Variants in MDN1 observed in about 807,000 individuals in gnomAD.
MDN1 encodes midasin.
In MDN1, 266 loss-of-function variants were observed where a neutral mutation model predicts 669.2. The observed-to-expected ratio is 0.40, with a 90% confidence interval of 0.36 to 0.44. MDN1 has a LOEUF of 0.44. Among genes scored for constraint, MDN1 ranks in the 20% least tolerant of loss-of-function variants. The pLI, the probability that MDN1 is intolerant of heterozygous loss-of-function variation, is 1.00. For missense variants in MDN1, 5,940 were observed against 6,754.0 expected (o/e 0.88, Z 4.22); for synonymous variants, 2,385 against 2,457.1 (o/e 0.97, Z 0.87).
intron 33 of MDN1, among the ~76,000 whole-genome samples, chr6:89,736,574 C>G (rs544817180): frequency 2.6e-4 from 40 of 152,070 alleles, no homozygotes; most frequent in Non-Finnish European, 7.4e-5. Flanking sequence ...GCGGGTCACT[C>G]GAGCCCAGGA....
chr6:89,718,996 A>T lies in MDN1; in HGVS notation c.6092T>A (p.Val2031Asp). 1 of 1,614,186 alleles carries T rather than the reference A, an allele frequency of 6.2e-7. No individual in the cohort carries two copies. The highest frequency in any genetic ancestry group is 8.5e-7 in the Non-Finnish European group (1 of 1,180,022). Residue 2031 changes from valine (V) to aspartate (D), a missense_variant, in exon 42 of 102, where the codon GTT becomes GAT. By Grantham distance (152) the Val-to-Asp change is radical. Transcript: ENST00000369393. ...GYSVLSRGSC[V>D]PHPSRHPLLL... ...CAGGGGATGGCGGGACGGGTGAGGA[A>T]CACAGCTCCCACGGGAAAGGACTGA...
chr6:89,743,190 T>A lies in MDN1; in HGVS notation c.4408A>T (p.Ile1470Phe), dbSNP rs374832273. 5.6e-6 allele frequency: 9 copies of A among 1,613,844 alleles called. No homozygotes were observed. The African/African-American group carries it at 1.2e-4, about 22-fold the overall frequency. The change falls in exon 31 of 102, where the codon ATC (isoleucine) becomes TTC (phenylalanine). Residue 1470 changes from isoleucine to phenylalanine, a missense_variant. Coordinates refer to ENST00000369393, the MANE Select transcript of MDN1 (RefSeq NM_014611.3). Reference protein sequence around the residue: ...KEDGFFLLDEISLADDSVLER... With the variant: ...KEDGFFLLDEFSLADDSVLER... ...AAGACAGAGTCATCGGCCAATGAGA[T>A]CTCATCCAAGAGGAAAAAGCCGTCC...
Position 89,743,560 on chromosome 6 carries a change from T to C in MDN1, c.4317+16A>G. ...CAGTTTTTTAAAATAACAGGAACAC[T>C]TGCTGCTGGACAAACCTTGTCGTTT... is the stretch of plus-strand genomic sequence containing the variant. On this transcript the variant is annotated intron_variant, in intron 30 of 101. Transcript: ENST00000369393. The C allele has an allele frequency of 1.2e-6, 2 of 1,608,732 alleles. No homozygotes were observed. Among genetic ancestry groups the C allele is most frequent in the Non-Finnish European group, 1.7e-6 (2 of 1,178,072 alleles).
In MDN1 at chr6:89,659,841, C is replaced by G. The variant is rs558196424; in HGVS notation, c.14714-924G>C. On this transcript the variant is annotated intron_variant, in intron 88 of 101. Coordinates refer to ENST00000369393, the MANE Select transcript of MDN1 (RefSeq NM_014611.3). ...AAAGAGATTTTCTATACTTTGGACA[C>G]TTCAAAAATCAGTTATTAGCAAATT... Among the ~76,000 whole-genome samples, 17 of 152,294 alleles carry G rather than the reference C, an allele frequency of 1.1e-4. No individual in the cohort carries two copies. In the South Asian group the frequency reaches 3.1e-3, roughly 28 times the overall value.
At chr6:89,722,571 G>A (rs1023095614) in intron 40 of MDN1, among the ~76,000 whole-genome samples, 9 of 152,170 alleles carry the variant, frequency 5.9e-5, no homozygotes, top group African/African-American at 1.2e-4. Context: ...CTTGCTAGCC[G>A]GGCGTGGTGG....
In MDN1 at chr6:89,695,837, A is replaced by G; in HGVS notation, c.9539T>C (p.Leu3180Pro). The stretch of plus-strand genomic sequence containing the variant: ...CACCTCCTGACCAGCCATGTCCCCA[A>G]GTGTCTGGCCCACATGCTGGAAGGC... ...SQAFQHVGQTLGDMAGQEVLP... is the reference protein window; with the variant it reads ...SQAFQHVGQTPGDMAGQEVLP... Residue 3180 changes from leucine (L) to proline (P), a missense_variant, in exon 61 of 102, where the codon CTT becomes CCT. Physicochemically the swap from Leu to Pro is moderately conservative, Grantham distance 98. Transcript: ENST00000369393. The surrounding 1 kb of genome is among the most constrained non-coding windows in gnomAD (Gnocchi z 4.1). 6.2e-7 allele frequency: 1 copy of G among 1,613,834 alleles called. No individual in the cohort carries two copies. The highest frequency in any genetic ancestry group is 8.5e-7 in the Non-Finnish European group (1 of 1,180,028).
At chr6:89,659,302 G>A (rs188652948) in intron 88 of MDN1, among the ~76,000 whole-genome samples, 1 of 152,320 alleles carries the variant, frequency 6.6e-6, no homozygotes, top group Non-Finnish European at 1.5e-5. Flanking sequence ...GAGCCCAGGA[G>A]GTCAAGGCTA....
intron 45 of MDN1, among the ~76,000 whole-genome samples, chr6:89,715,184 C>T (rs1814265662): frequency 6.6e-6 from 1 of 152,118 alleles, no homozygotes; most frequent in Non-Finnish European, 1.5e-5. Flanking sequence ...CCCGGTAGAC[C>T]CTCCCCACAT....
At position 89,749,324 on chromosome 6, in the gene MDN1, C is replaced by A; in HGVS notation, c.3661G>T (p.Asp1221Tyr). The change falls in exon 26 of 102, where the codon GAT (aspartate) becomes TAT (tyrosine). Residue 1221 changes from aspartate (D) to tyrosine (Y), a missense_variant. This residue lies in a region of MDN1 where 2,292 missense variants were observed against 2,638.3 expected (regional missense o/e 0.87). Transcript: ENST00000369393. ...TCCAACTCGGAGCTAGGTAACTCAT[C>A]AAAGTGCAATTCCACAAACCGATTC... ...FRNRFVELHF[D>Y]ELPSSELETI... The A allele has an allele frequency of 6.2e-7, 1 of 1,614,136 alleles. No homozygotes were observed. The highest frequency in any genetic ancestry group is 8.5e-7 in the Non-Finnish European group (1 of 1,180,014).
At chr6:89,770,314 G>C (rs1818018084) in intron 15 of MDN1, among the ~76,000 whole-genome samples, 1 of 150,248 alleles carries the variant, frequency 6.7e-6, no homozygotes, top group South Asian at 2.1e-4. Context: ...TGAGGCAGAA[G>C]AATCACCTGA....
intron 52 of MDN1, 101 bp from the exon 53 acceptor site, chr6:89,706,293 C>T: frequency 7.8e-7 from 1 of 1,281,724 alleles, no homozygotes. Flanking sequence ...AATGTTATCC[C>T]CAGTACAAAG....
In MDN1 at chr6:89,661,483, G is replaced by A. The variant is rs9444701; in HGVS notation, c.14661C>T (p.Leu4887=). Residue 4887 remains leucine (L), a synonymous_variant, in exon 88 of 102, where the codon CTC becomes CTT. Coordinates refer to ENST00000369393, the MANE Select transcript of MDN1 (RefSeq NM_014611.3). ...CACCACCATTCTTGTCTTCACTGTC[G>A]AGGTTCAAGTCATCTGGAAGGTCCA... is the stretch of plus-strand genomic sequence containing the variant. ...EALDLPDDLN[L]DSEDKNGGED... is the part of the protein sequence containing the mutation. 1,082,417 of 1,613,638 alleles carry A rather than the reference G, an allele frequency of 0.67. 366,285 individuals carry two copies. Among genetic ancestry groups the A allele is most frequent in the East Asian group, 0.92 (41,402 of 44,874 alleles).
intron 12 of MDN1, 63 bp downstream of exon 12, chr6:89,776,537 A>G: frequency 1.6e-6 from 2 of 1,265,368 alleles, no homozygotes; most frequent in South Asian, 2.7e-5. Context: ...AGAGACCAGC[A>G]AGCAAGCAAG....
In MDN1 at chr6:89,730,890, A is replaced by G; in HGVS notation, c.4976T>C (p.Leu1659Ser). The change falls in exon 35 of 102, where the codon TTG (leucine) becomes TCG (serine). Residue 1659 changes from leucine to serine, a missense_variant. Transcript: ENST00000369393. The stretch of plus-strand genomic sequence containing the variant: ...AAATTTCAGACATTCTTTTCGTGCC[A>G]AAAGGGCTGTACCAAACCCAGAGGA... ...VTSSGFGTAL[L>S]ARKECLKFLI... 6.2e-7 allele frequency: 1 copy of G among 1,614,024 alleles called. No individual in the cohort carries two copies. Among genetic ancestry groups the G allele is most frequent in the Non-Finnish European group, 8.5e-7 (1 of 1,179,940 alleles).
At chr6:89,785,147 C>G in intron 8 of MDN1, 21 bp from the exon 9 acceptor site, 1 of 1,571,084 alleles carries the variant, frequency 6.4e-7, no homozygotes, top group African/African-American at 1.3e-5. Flanking sequence ...AAATAAAAAA[C>G]ACAGTCACAC....
At chr6:89,701,477 C>T (rs1383191638) in intron 55 of MDN1, 81 bp downstream of exon 55, 1 of 1,527,148 alleles carries the variant, frequency 6.5e-7, no homozygotes, top group African/African-American at 1.4e-5. Flanking sequence ...TAATCTTATA[C>T]AATGTCAGTT....
chr6:89,712,641 C>T lies in MDN1; in HGVS notation c.7364G>A (p.Arg2455Gln), dbSNP rs62417304. Residue 2455 changes from arginine to glutamine, a missense_variant, in exon 48 of 102, where the codon CGA becomes CAA. Around this residue, in one of 5 missense-constraint regions of MDN1, gnomAD observed 2,292 missense variants for 2,638.3 expected, o/e 0.87. Transcript: ENST00000369393. ...ATATACTAAGATCTGTCCATCTCTT[C>T]GGACTGTAGACAGGTGTGAATCTTC... ...ATEDSHLSTV[R>Q]RDGQILVYCL... 6,225 of 1,614,134 alleles carry T rather than the reference C, an allele frequency of 3.9e-3. 16 individuals carry two copies. The highest frequency in any genetic ancestry group is 4.9e-3 in the Non-Finnish European group (5,750 of 1,180,012).
At chr6:89,751,694 T>C (rs775509980) in intron 22 of MDN1, 112 bp from the exon 23 acceptor site, 25 of 1,113,788 alleles carry the variant, frequency 2.2e-5, no homozygotes, top group Non-Finnish European at 3.0e-5. Flanking sequence ...TCTGCATACT[T>C]TCAACATTAA....
chr6:89,713,568 T>C (rs1029165861), intron 46 of MDN1, among the ~76,000 whole-genome samples: 2 of 152,136 alleles, frequency 1.3e-5, no homozygotes, highest in African/African-American at 4.8e-5. Flanking sequence ...GTCACATATA[T>C]CCTTAATCTA....
Sources: allele counts gnomAD v4.1 joint callset (sites outside exome capture counted in the v4.1 genomes callset), GRCh38; gene constraint gnomAD v4.1.1; regional missense constraint gnomAD v4.1.1; non-coding constraint Gnocchi (gnomAD v3.1); transcripts MANE v1.5; gene names NCBI Gene and HGNC (gene_info 2026-07-23, HGNC 2026-07-21).